Variants in ZNF347 observed in about 807,000 individuals in gnomAD.
The protein encoded by ZNF347 is CTD-2620I22.7.
ZNF347 carries 19 observed loss-of-function variants against 12.9 expected under a neutral mutation model. That is an observed-to-expected ratio of 1.47 (90% CI 1.03 to 2.16). The LOEUF (loss-of-function observed/expected upper bound fraction) is 2.16. Ranked by LOEUF, ZNF347 falls within the 30% of genes most tolerant of loss-of-function variation. ZNF347 has a pLI of 0.00. For missense variants in ZNF347, 1,005 were observed against 990.6 expected (o/e 1.01, Z -0.19); for synonymous variants, 328 against 340.6 (o/e 0.96, Z 0.41).
chr19:53,145,290 G>GAA (rs35614813), intron 4 of ZNF347, among the ~76,000 whole-genome samples: 3,893 of 124,056 alleles, frequency 0.031, 223 homozygotes, highest in African/African-American at 0.1. Flanking sequence ...AGTCTGTCTA[G>GAA]AAAAAAAAAA....
intron 1 of ZNF347, 38 bp from the exon 2 acceptor site, chr19:53,153,831 G>C: frequency 6.6e-7 from 1 of 1,517,872 alleles, no homozygotes; most frequent in Non-Finnish European, 9.1e-7. Context: ...AGTCAATATT[G>C]AATATCCAAA....
chr19:53,158,346 G>A (rs2090549126), intron 1 of ZNF347, among the ~76,000 whole-genome samples: 1 of 152,214 alleles, frequency 6.6e-6, no homozygotes, highest in African/African-American at 2.4e-5. Context: ...GGCCTCGCCG[G>A]TACCGGGGCT....
chr19:53,152,792 T>C (rs962444521), intron 2 of ZNF347, among the ~76,000 whole-genome samples: 2 of 151,808 alleles, frequency 1.3e-5, no homozygotes, highest in African/African-American at 2.4e-5. Flanking sequence ...TAGCCGGGCA[T>C]GGTGGCGGGC....
rs536051982 is a variant in ZNF347 at position 53,149,357 on chromosome 19, G to A, written c.26C>T (p.Thr9Ile). MALTQGQV[T>I]FRDVAIEFSQ... ...GAATTCTATAGCCACATCCCTGAATGTCACCTGTCCCTAAAATGAAAAACA... is the reference window on the plus strand; with the variant it reads ...GAATTCTATAGCCACATCCCTGAATATCACCTGTCCCTAAAATGAAAAACA... Residue 9 changes from threonine to isoleucine, a missense_variant, in exon 3 of 5, where the codon ACA becomes ATA. Thr to Ile is a moderately conservative substitution (Grantham distance 89). Coordinates refer to ENST00000334197, the MANE Select transcript of ZNF347 (RefSeq NM_032584.3). The A allele has an allele frequency of 6.2e-7, 1 of 1,613,804 alleles. No individual in the cohort carries two copies. Among genetic ancestry groups the A allele is most frequent in the East Asian group, 2.2e-5 (1 of 44,862 alleles).
rs750439355 is a variant in ZNF347 at position 53,141,133 on chromosome 19, T to C, written c.1695A>G (p.Gly565=). ...ACTCATTACATTTGTAAGGTTTTTC[T>C]CCAGTATGGATGACCTGATGGGTAG... is the stretch of plus-strand genomic sequence containing the variant. ...SLTTHQVIHT[G]EKPYKCNECG... The change falls in exon 5 of 5, where the codon GGA becomes GGG. Residue 565 remains glycine, a synonymous_variant. Coordinates refer to ENST00000334197, the MANE Select transcript of ZNF347 (RefSeq NM_032584.3). 9.3e-6 allele frequency: 15 copies of C among 1,612,860 alleles called. No individual in the cohort carries two copies. In the South Asian group the frequency reaches 1.4e-4, roughly 15 times the overall value.
chr19:53,155,256 T>C (rs1437894794), intron 1 of ZNF347, among the ~76,000 whole-genome samples: 3 of 151,554 alleles, frequency 2.0e-5, no homozygotes, highest in Admixed American at 6.6e-5. Flanking sequence ...GTATTTTTTG[T>C]TTTAAAGATG....
rs138967308 is a variant in ZNF347, at chr19:53,141,872, C to A, written c.956G>T (p.Cys319Phe). 3 of 1,613,846 alleles carry A rather than the reference C, an allele frequency of 1.9e-6. No individual in the cohort carries two copies. The highest frequency in any genetic ancestry group is 2.7e-5 in the African/African-American group (2 of 74,902). ...VIHTGEKRYKCNECGKVFSRN... is the reference protein window; with the variant it reads ...VIHTGEKRYKFNECGKVFSRN... ...ACTAAAGACCTTACCACACTCATTA[C>A]ATTTGTAACGTTTTTCGCCAGTATG... is the stretch of plus-strand genomic sequence containing the variant. Residue 319 changes from cysteine (C) to phenylalanine (F), a missense_variant, in exon 5 of 5, where the codon TGT becomes TTT. Cys to Phe is a radical substitution (Grantham distance 205). Coordinates refer to ENST00000334197, the MANE Select transcript of ZNF347 (RefSeq NM_032584.3).
intron 1 of ZNF347, among the ~76,000 whole-genome samples, chr19:53,155,294 CTG>C (rs61275588): frequency 0.23 from 32,978 of 141,630 alleles, 3,759 homozygotes; most frequent in East Asian, 0.39. Context: ...AGACTTTATT[CTG>C]TGTGTGTGTG....
chr19:53,144,926 A>G (rs1225455242), intron 4 of ZNF347, among the ~76,000 whole-genome samples: 1 of 152,104 alleles, frequency 6.6e-6, no homozygotes, highest in African/African-American at 2.4e-5. Flanking sequence ...AAAAAAGTCA[A>G]AATTGTATCT....
chr19:53,149,805 C>T (rs549045953), intron 2 of ZNF347, among the ~76,000 whole-genome samples: 2 of 152,198 alleles, frequency 1.3e-5, no homozygotes, highest in Non-Finnish European at 2.9e-5. Flanking sequence ...GAACAAGCTT[C>T]AGGATAGGGA....
rs2090380386 is a variant in ZNF347 at position 53,135,325 on chromosome 19, T to TAGAGAGAGAGAG, written c.*4982_*4983insCTCTCTCTCTCT. ...ATATATATATATATATATATATATA[T>TAGAGAGAGAGAG]ATATATATATATATAGAGAGAGAGA... is the stretch of plus-strand genomic sequence containing the variant. On this transcript the variant is annotated 3_prime_UTR_variant, in exon 5 of 5. Transcript: ENST00000334197. 1 of 45,914 alleles carries TAGAGAGAGAGAG rather than the reference T, an allele frequency of 2.2e-5. No individual in the cohort carries two copies. The highest frequency in any genetic ancestry group is 7.2e-5 in the African/African-American group (1 of 13,840). The allele number at this position is 45,914 out of a possible 1,614,324, so 2.8% of individuals were successfully genotyped here. A position where few individuals can be genotyped will look rare whatever the true frequency, so the allele number is the denominator to read the frequency against.
intron 4 of ZNF347, among the ~76,000 whole-genome samples, chr19:53,146,480 T>C (rs1281412624): frequency 1.3e-5 from 2 of 152,070 alleles, no homozygotes; most frequent in African/African-American, 2.4e-5. Flanking sequence ...TCTTTCTATG[T>C]TGCCCAGGCT....
chr19:53,150,637 TTTAAAG>T (rs2090491332), intron 2 of ZNF347, among the ~76,000 whole-genome samples: 1 of 152,218 alleles, frequency 6.6e-6, no homozygotes, highest in Non-Finnish European at 1.5e-5. Context: ...GTACAGTGAC[TTTAAAG>T]AAAGGTCAGA....
At position 53,141,823 on chromosome 19, in the gene ZNF347, A is replaced by C. The variant is rs751828016; in HGVS notation, c.1005T>G (p.His335Gln). The C allele has an allele frequency of 1.3e-5, 21 of 1,613,926 alleles. No individual in the cohort carries two copies. Among genetic ancestry groups the C allele is most frequent in the Non-Finnish European group, 1.8e-5 (21 of 1,179,962 alleles). ...VFSRNSQLSQ[H>Q]QKIHTGEKPY... ...GTTTCTCTCCAGTGTGAATTTTCTG[A>C]TGTTGTGAGAGTTGTGAATTTCGAC... Residue 335 changes from histidine to glutamine, a missense_variant, in exon 5 of 5, where the codon CAT becomes CAG. Coordinates refer to ENST00000334197, the MANE Select transcript of ZNF347 (RefSeq NM_032584.3).
intron 1 of ZNF347, among the ~76,000 whole-genome samples, chr19:53,154,263 G>A (rs1307133010): frequency 1.3e-5 from 2 of 152,010 alleles, no homozygotes; most frequent in African/African-American, 4.8e-5. Flanking sequence ...AGAAAGATCA[G>A]TTGAGGCCAG....
intron 1 of ZNF347, among the ~76,000 whole-genome samples, chr19:53,158,481 C>A (rs2090550193): frequency 1.3e-5 from 2 of 148,570 alleles, no homozygotes; most frequent in Non-Finnish European, 3.0e-5. Context: ...GGGTTTTAAG[C>A]GGGAGGAAGA....
chr19:53,135,378 AG>A lies in ZNF347; in HGVS notation c.*4929del, dbSNP rs1372175046. The A allele has an allele frequency of 1.7e-4, 26 of 149,074 alleles. No individual in the cohort carries two copies. The highest frequency in any genetic ancestry group is 1.1e-3 in the South Asian group (5 of 4,712). 9.2% of individuals were successfully genotyped at this position (149,074 alleles called of 1,614,324 possible). On this transcript the variant is annotated 3_prime_UTR_variant, in exon 5 of 5. Transcript: ENST00000334197. ...GAGAGAGAGAGAGAGAAAGAGAGAGAGAGAGAGAGAGAGAGATGGAGTCCCG... is the reference window on the plus strand; with the variant it reads ...GAGAGAGAGAGAGAGAAAGAGAGAGAAGAGAGAGAGAGAGATGGAGTCCCG...
At position 53,135,341 on chromosome 19, in the gene ZNF347, GAGAGAGAGAGAGAGAGAGAGAGAGAGAA is replaced by G. The variant is rs2090382117; in HGVS notation, c.*4939_*4966del. The G allele has an allele frequency of 4.1e-5, 4 of 98,070 alleles. No homozygotes were observed. The highest frequency in any genetic ancestry group is 3.0e-4 in the South Asian group (1 of 3,282). The allele number at this position is 98,070 out of a possible 1,614,324, so 6.1% of individuals were successfully genotyped here. A position where few individuals can be genotyped will look rare whatever the true frequency, so the allele number is the denominator to read the frequency against. Reference sequence around the variant, plus strand: ...ATATATATATATATATATATATATAGAGAGAGAGAGAGAGAGAGAGAGAGAGAAAGAGAGAGAGAGAGAGAGAGAGAGA... The same window carrying G: ...ATATATATATATATATATATATATAGAGAGAGAGAGAGAGAGAGAGAGAGA... On this transcript the variant is annotated 3_prime_UTR_variant, in exon 5 of 5. Coordinates refer to ENST00000334197, the MANE Select transcript of ZNF347 (RefSeq NM_032584.3).
In ZNF347 at chr19:53,139,631, T is replaced by G. The variant is rs1247860934; in HGVS notation, c.*677A>C. 1 of 152,238 alleles carries G rather than the reference T, an allele frequency of 6.6e-6. No homozygotes were observed. Among genetic ancestry groups the G allele is most frequent in the Non-Finnish European group, 1.5e-5 (1 of 68,030 alleles). 9.4% of individuals were successfully genotyped at this position (152,238 alleles called of 1,614,324 possible). The stretch of plus-strand genomic sequence containing the variant: ...GTGTAATTATTGTGCAGTTTATCAT[T>G]TTAAAAGTGAATCAAAGAACTAGAG... On this transcript the variant is annotated 3_prime_UTR_variant, in exon 5 of 5. Coordinates refer to ENST00000334197, the MANE Select transcript of ZNF347 (RefSeq NM_032584.3).
Sources: allele counts gnomAD v4.1 joint callset (sites outside exome capture counted in the v4.1 genomes callset), GRCh38; gene constraint gnomAD v4.1.1; transcripts MANE v1.5; gene names NCBI Gene and HGNC (gene_info 2026-07-23, HGNC 2026-07-21).